PHEX: variants seen among roughly 807,000 people sequenced by gnomAD.
The protein encoded by PHEX is phosphate regulating endopeptidase X-linked.
Under a neutral mutation model 68.0 loss-of-function variants are expected in PHEX, and 16 were observed. That is an observed-to-expected ratio of 0.24 (90% CI 0.16 to 0.36). The LOEUF (loss-of-function observed/expected upper bound fraction) is 0.36. Ranked by LOEUF, PHEX falls within the 10% of genes least tolerant of loss-of-function variation. PHEX has a pLI of 1.00. For synonymous variants in PHEX, 208 were observed against 205.1 expected, an observed-to-expected ratio of 1.01 and a Z score of -0.12; for missense variants, 480 against 575.5, an observed-to-expected ratio of 0.83 and a Z score of 1.70.
In PHEX at chrX:22,037,503, C is replaced by T. The variant is rs772876030; in HGVS notation, c.119-966C>T. On this transcript the variant is annotated intron_variant, in intron 1 of 21. Transcript: ENST00000379374. ...AATCTTAAACTAACATCTGCTAATGCCCAGGTGCTACCTGGGGTTGACAAA... is the reference window on the plus strand; with the variant it reads ...AATCTTAAACTAACATCTGCTAATGTCCAGGTGCTACCTGGGGTTGACAAA... 1.5e-3 allele frequency among the ~76,000 whole-genome samples: 172 copies of T among 112,357 alleles called. 1 individual carries two copies. Among genetic ancestry groups the T allele is most frequent in the African/African-American group, 5.3e-3 (163 of 30,972 alleles).
At chrX:22,094,132 T>G (rs1482387570) in intron 7 of PHEX, 33 bp downstream of exon 7, 2 of 805,047 alleles carry the variant, frequency 2.5e-6, no homozygotes, top group Admixed American at 4.5e-5. Flanking sequence ...TTTCTTTCCT[T>G]TACTTTCTTT....
rs1936496321 is a variant in PHEX at position 22,249,452 on chromosome X, AAAAATATATATAT to A, written c.*1501_*1513del. 2.5e-5 allele frequency: 1 copy of A among 40,642 alleles called. No homozygotes were observed. Among genetic ancestry groups the A allele is most frequent in the African/African-American group, 1.1e-4 (1 of 8,857 alleles). 3.3% of individuals were successfully genotyped at this position (40,642 alleles called of 1,213,427 possible). ...GATTTGTGATTCTTTTAAAAAAAAA[AAAAATATATATAT>A]ATATATATATATATATATATATGTA... On this transcript the variant is annotated 3_prime_UTR_variant, in exon 22 of 22. Transcript: ENST00000379374.
chrX:22,124,743 A>AT (rs1931644215), intron 11 of PHEX, among the ~76,000 whole-genome samples: 1 of 112,018 alleles, frequency 8.9e-6, no homozygotes, highest in African/African-American at 3.3e-5. Context: ...TAGAAATATA[A>AT]ATATCTACCT....
At chrX:22,057,332 C>T (rs761151043) in intron 3 of PHEX, among the ~76,000 whole-genome samples, 3 of 111,358 alleles carry the variant, frequency 2.7e-5, no homozygotes, top group Non-Finnish European at 3.8e-5. Context: ...GGCTGGGTGC[C>T]GTGGCTCACG....
intron 15 of PHEX, among the ~76,000 whole-genome samples, chrX:22,209,341 C>T (rs1427290618): frequency 9.0e-6 from 1 of 110,990 alleles, no homozygotes; most frequent in Non-Finnish European, 1.9e-5. Context: ...TATCAATTTC[C>T]TTGGAATAAA....
chrX:22,056,204 C>T (rs994979048), intron 3 of PHEX, among the ~76,000 whole-genome samples: 2 of 112,100 alleles, frequency 1.8e-5, no homozygotes, highest in Middle Eastern at 4.2e-3. Context: ...TGCTTTCAAT[C>T]GTAAGTAACA....
At chrX:22,098,766 C>T (rs1171703555) in intron 8 of PHEX, among the ~76,000 whole-genome samples, 1 of 85,259 alleles carries the variant, frequency 1.2e-5, no homozygotes, top group Non-Finnish European at 2.1e-5. Flanking sequence ...CCACTGCACT[C>T]CAGCCTGGGT....
intron 12 of PHEX, among the ~76,000 whole-genome samples, chrX:22,158,383 A>C (rs1933012787): frequency 8.9e-6 from 1 of 112,221 alleles, no homozygotes; most frequent in Admixed American, 9.5e-5. Context: ...TTGCCCTATA[A>C]ATTTTTTATG....
chrX:22,155,642 A>C (rs1932934060), intron 12 of PHEX, among the ~76,000 whole-genome samples: 1 of 112,372 alleles, frequency 8.9e-6, no homozygotes, highest in Non-Finnish European at 1.9e-5. Flanking sequence ...CATTTTGGTT[A>C]ATATTTCTAT....
chrX:22,194,084 T>G (rs777853115), intron 15 of PHEX, among the ~76,000 whole-genome samples: 1 of 111,889 alleles, frequency 8.9e-6, no homozygotes, highest in Non-Finnish European at 1.9e-5. Flanking sequence ...CTGCTCAGCC[T>G]TTTTCTTGCC....
At chrX:22,216,419 G>C (rs1425441296) in intron 16 of PHEX, among the ~76,000 whole-genome samples, 4 of 112,001 alleles carry the variant, frequency 3.6e-5, no homozygotes, top group African/African-American at 1.3e-4. Context: ...TAGATCTTCA[G>C]TGCAAGAAAT....
intron 20 of PHEX, among the ~76,000 whole-genome samples, chrX:22,233,864 T>A (rs1935860795): frequency 1.8e-5 from 2 of 111,541 alleles, no homozygotes. Flanking sequence ...GCTGGCGAGG[T>A]GTTGTGATCC....
At chrX:22,112,252 T>G (rs1750234009) in intron 10 of PHEX, among the ~76,000 whole-genome samples, 1 of 110,988 alleles carries the variant, frequency 9.0e-6, no homozygotes, top group African/African-American at 3.3e-5. Flanking sequence ...AGTGCTGGGA[T>G]TAAAGGCACG....
intron 11 of PHEX, among the ~76,000 whole-genome samples, chrX:22,124,489 A>T (rs771169538): frequency 4.5e-5 from 5 of 112,059 alleles, no homozygotes; most frequent in Non-Finnish European, 7.5e-5. Context: ...ACCCTTTATT[A>T]GAAATTCATT....
chrX:22,063,528 CT>C (rs749540105), intron 3 of PHEX, among the ~76,000 whole-genome samples: 1 of 112,002 alleles, frequency 8.9e-6, no homozygotes, highest in African/African-American at 3.2e-5. Flanking sequence ...GTGGGAGGTG[CT>C]GGGTGAAGAA....
intron 3 of PHEX, among the ~76,000 whole-genome samples, chrX:22,051,044 G>T (rs1927807349): frequency 9.0e-6 from 1 of 111,550 alleles, no homozygotes; most frequent in African/African-American, 3.3e-5. Flanking sequence ...GTCAAACAAA[G>T]TGGGAGGCTT....
In PHEX at chrX:22,076,527, T is replaced by C. The variant is rs546738664; in HGVS notation, c.436+53T>C. ...TATTTACCATCCCTATCCTTTAGAG[T>C]TCTATTAATGTTTTAATATATTGTT... On this transcript the variant is annotated intron_variant, in intron 4 of 21. Transcript: ENST00000379374. The C allele has an allele frequency of 9.2e-4, 716 of 774,406 alleles. 3 individuals are homozygous for C. In the South Asian group the frequency reaches 0.015, roughly 16 times the overall value. The allele number at this position is 774,406 out of a possible 1,213,427, so 63.8% of individuals were successfully genotyped here.
At chrX:22,242,151 A>C (rs1238546165) in intron 20 of PHEX, among the ~76,000 whole-genome samples, 3 of 107,313 alleles carry the variant, frequency 2.8e-5, no homozygotes, top group Non-Finnish European at 5.7e-5. Context: ...ATAATCCATC[A>C]CATACACAGA....
rs747651234 is a variant in PHEX, at chrX:22,099,882, CAGACAAGGCT to C, written c.1079+733_1079+742del. Among the ~76,000 whole-genome samples, 15 of 112,012 alleles carry C rather than the reference CAGACAAGGCT, an allele frequency of 1.3e-4. No individual in the cohort carries two copies. In the East Asian group the frequency reaches 3.9e-3, roughly 29 times the overall value. On this transcript the variant is annotated intron_variant, in intron 9 of 21. Coordinates refer to ENST00000379374, the MANE Select transcript of PHEX (RefSeq NM_000444.6). ...AAAATCACATTTTCTTATTTGGACTCAGACAAGGCTATGTTGCCAGAAGTTACGTTTTTTA... is the reference window on the plus strand; with the variant it reads ...AAAATCACATTTTCTTATTTGGACTCATGTTGCCAGAAGTTACGTTTTTTA...
Sources: gnomAD v4.1 joint callset for allele counts (sites outside exome capture counted in the v4.1 genomes callset) on GRCh38, gnomAD v4.1.1 for gene constraint, MANE v1.5 for transcripts, NCBI Gene and HGNC (gene_info 2026-07-23, HGNC 2026-07-21) for gene names.